STARD9: variants seen among roughly 807,000 people sequenced by gnomAD.
STARD9 encodes the protein StAR related lipid transfer domain containing 9, also known as stAR-related lipid transfer protein 9.
Under a neutral mutation model 399.8 loss-of-function variants are expected in STARD9, and 346 were observed. The observed-to-expected ratio is 0.87, with a 90% CI of 0.79 to 0.95. STARD9 has a LOEUF of 0.95. Among genes scored for constraint, STARD9 ranks in the 40% least tolerant of loss-of-function variants. The pLI, the probability that STARD9 is intolerant of heterozygous loss-of-function variation, is 0.00. For missense variants in STARD9, 5,832 were observed against 5,667.5 expected, an observed-to-expected ratio of 1.03 and a Z score of -0.93; for synonymous variants, 2,203 against 2,143.5, an observed-to-expected ratio of 1.03 and a Z score of -0.77.
At position 42,694,649 on chromosome 15, in the gene STARD9, A is replaced by G; in HGVS notation, c.12886A>G (p.Ile4296Val). 3 of 1,537,144 alleles carry G rather than the reference A, an allele frequency of 2.0e-6. No homozygotes were observed. The highest frequency in any genetic ancestry group is 2.6e-6 in the Non-Finnish European group (3 of 1,146,856). Residue 4296 changes from isoleucine (I) to valine (V), a missense_variant, in exon 24 of 33, where the codon ATC becomes GTC. By Grantham distance (29) the Ile-to-Val change is conservative (BLOSUM62 3). This residue lies in a region of STARD9 where 5,828 missense variants were observed against 5,651.1 expected (regional missense o/e 1.03). Transcript: ENST00000290607. ...CCTCCTGCCCAACAAAGATCTCTTC[A>G]TCTGGGATCTTGACTTGCCCAGCAG... ...LSLLPNKDLF[I>V]WDLDLPSRRR...
At chr15:42,576,550 A>T (rs1188303269) in intron 1 of STARD9, among the ~76,000 whole-genome samples, 1 of 152,184 alleles carries the variant, frequency 6.6e-6, no homozygotes, top group Non-Finnish European at 1.5e-5. Context: ...GTAAGGGACT[A>T]ACTAGAGGTT....
chr15:42,678,632 G>A (rs904332991), intron 20 of STARD9, among the ~76,000 whole-genome samples: 1 of 152,206 alleles, frequency 6.6e-6, no homozygotes, highest in Non-Finnish European at 1.5e-5. Context: ...TGCAGAAGCT[G>A]CCAGACCCCG....
chr15:42,575,796 C>A (rs1232612457), intron 1 of STARD9, 34 bp downstream of exon 1: 1 of 1,535,368 alleles, frequency 6.5e-7, no homozygotes. Context: ...CCTGAGGCTT[C>A]ACAGGAGCTG....
In STARD9 at chr15:42,685,570, C is replaced by T; in HGVS notation, c.3992C>T (p.Pro1331Leu). Reference sequence around the variant, plus strand: ...GGCATGCAGCTTTCAAGAGAGAGCCCACTGATGTCCATGGATTCCTGGTTT... The same window carrying T: ...GGCATGCAGCTTTCAAGAGAGAGCCTACTGATGTCCATGGATTCCTGGTTT... Reference protein sequence around the residue: ...LQGMQLSRESPLMSMDSWFSC... With the variant: ...LQGMQLSRESLLMSMDSWFSC... Residue 1331 changes from proline to leucine, a missense_variant, in exon 23 of 33, where the codon CCA becomes CTA. Physicochemically the swap from Pro to Leu is moderately conservative, Grantham distance 98. Transcript: ENST00000290607. The T allele has an allele frequency of 6.5e-7, 1 of 1,537,628 alleles. No individual in the cohort carries two copies. The highest frequency in any genetic ancestry group is 1.2e-5 in the South Asian group (1 of 84,064).
chr15:42,665,386 C>T (rs894413565), intron 14 of STARD9, 56 bp downstream of exon 14: 2 of 1,402,578 alleles, frequency 1.4e-6, no homozygotes, highest in Non-Finnish European at 1.9e-6. Flanking sequence ...TTCTGAGCCT[C>T]TTTTCTTCTC....
intron 3 of STARD9, among the ~76,000 whole-genome samples, chr15:42,628,173 C>A (rs936443325): frequency 2.0e-5 from 3 of 152,130 alleles, no homozygotes; most frequent in Non-Finnish European, 4.4e-5. Flanking sequence ...ATTTGGATTT[C>A]TCTGATGATC....
chr15:42,698,865 G>A (rs2060900336), intron 26 of STARD9, among the ~76,000 whole-genome samples: 1 of 151,934 alleles, frequency 6.6e-6, no homozygotes, highest in Non-Finnish European at 1.5e-5. Context: ...TCCCTGTAAT[G>A]CTTGTTAGAC....
At chr15:42,596,284 C>T (rs1172332790) in intron 3 of STARD9, among the ~76,000 whole-genome samples, 1 of 152,100 alleles carries the variant, frequency 6.6e-6, no homozygotes, top group Non-Finnish European at 1.5e-5. Flanking sequence ...CTTGATGTTA[C>T]CCCATTTTTC....
intron 1 of STARD9, among the ~76,000 whole-genome samples, chr15:42,577,733 C>T (rs2058087277): frequency 6.6e-6 from 1 of 152,184 alleles, no homozygotes; most frequent in Admixed American, 6.5e-5. Flanking sequence ...GGATCACTTC[C>T]CTCTTCTCAC....
intron 3 of STARD9, among the ~76,000 whole-genome samples, chr15:42,597,275 A>T (rs1031226633): frequency 2.0e-5 from 3 of 152,124 alleles, no homozygotes; most frequent in African/African-American, 7.2e-5. Context: ...TTGTAATGCC[A>T]AGCTGGTCTT....
At chr15:42,620,726 CCTTTTATTTT>C (rs906014758) in intron 3 of STARD9, among the ~76,000 whole-genome samples, 1 of 130,160 alleles carries the variant, frequency 7.7e-6, no homozygotes, top group African/African-American at 2.6e-5. Flanking sequence ...GTAGAATGTC[CCTTTTATTTT>C]ATTTTATTTT....
chr15:42,588,013 TTG>T (rs367880689), intron 3 of STARD9, among the ~76,000 whole-genome samples: 420 of 152,290 alleles, frequency 2.8e-3, no homozygotes, highest in African/African-American at 9.5e-3. Flanking sequence ...CAGTCCACAG[TTG>T]TGACTGTATT....
intron 3 of STARD9, among the ~76,000 whole-genome samples, chr15:42,621,669 G>A (rs2059096496): frequency 6.6e-6 from 1 of 152,180 alleles, no homozygotes; most frequent in African/African-American, 2.4e-5. Flanking sequence ...TTGGCTACTT[G>A]TTACAAAAGT....
chr15:42,608,501 A>G (rs1291232682), intron 3 of STARD9, among the ~76,000 whole-genome samples: 1 of 152,170 alleles, frequency 6.6e-6, no homozygotes, highest in South Asian at 2.1e-4. Context: ...ATTTAGACTA[A>G]ACAGTATTAA....
chr15:42,623,691 T>C (rs1486509811), intron 3 of STARD9, among the ~76,000 whole-genome samples: 1 of 152,228 alleles, frequency 6.6e-6, no homozygotes, highest in Non-Finnish European at 1.5e-5. Context: ...TGTTGTAGTC[T>C]CTCCCTTCTC....
chr15:42,712,096 T>TATATATATATAA (rs1566966126), intron 26 of STARD9, among the ~76,000 whole-genome samples: 2 of 508 alleles, frequency 3.9e-3, no homozygotes, highest in African/African-American at 7.2e-3. Flanking sequence ...TATATATATA[T>TATATATATATAA]AATATATAAT....
chr15:42,675,690 C>CT lies in STARD9; in HGVS notation c.1714_1715insT (p.Gln572LeufsTer58). 1 of 1,537,182 alleles carries CT rather than the reference C, an allele frequency of 6.5e-7. No homozygotes were observed. Among genetic ancestry groups the CT allele is most frequent in the South Asian group, 1.2e-5 (1 of 84,058 alleles). ...AGCTGTCATAACCCTGGGGAAGGCA[C>CT]AGAAGTTCCGATTCAACCACCCAGC... is the stretch of plus-strand genomic sequence containing the variant. On this transcript the variant is annotated frameshift_variant, in exon 19 of 33. Coordinates refer to ENST00000290607, the MANE Select transcript of STARD9 (RefSeq NM_020759.3). LOFTEE classifies it high-confidence loss of function.
intron 3 of STARD9, among the ~76,000 whole-genome samples, chr15:42,623,909 C>T (rs1352019128): frequency 1.3e-5 from 2 of 152,222 alleles, no homozygotes; most frequent in East Asian, 3.8e-4. Context: ...GTATCTGGTC[C>T]ACACTTGGGC....
At chr15:42,668,511 C>G (rs1252124858) in intron 15 of STARD9, among the ~76,000 whole-genome samples, 1 of 152,032 alleles carries the variant, frequency 6.6e-6, no homozygotes, top group Non-Finnish European at 1.5e-5. Flanking sequence ...GTGGTCTTAG[C>G]TTAAGGCCTC....
Sources: gnomAD v4.1 joint callset for allele counts (sites outside exome capture counted in the v4.1 genomes callset) on GRCh38, gnomAD v4.1.1 for gene constraint, gnomAD v4.1.1 regional missense constraint, MANE v1.5 for transcripts, NCBI Gene and HGNC (gene_info 2026-07-23, HGNC 2026-07-21) for gene names.